Variants in HHLA2 observed in about 807,000 individuals in gnomAD.
HHLA2 encodes HHLA2 member of B7 family, also known as HERV-H LTR-associating protein 2.
In HHLA2, 48 loss-of-function variants were observed where a neutral mutation model predicts 45.9. The ratio of observed to expected loss-of-function variants is 1.05; its 90% CI spans 0.83 to 1.33. The LOEUF is 1.33. Ranked by LOEUF, HHLA2 falls within the 40% of genes most tolerant of loss-of-function variation. The probability of loss-of-function intolerance (pLI) is 0.00; values close to 1 mark genes in which losing one functional copy is unlikely to be tolerated. For missense variants in HHLA2, 462 were observed against 494.3 expected, an observed-to-expected ratio of 0.93 and a Z score of 0.62; for synonymous variants, 161 against 173.9, an observed-to-expected ratio of 0.93 and a Z score of 0.59.
In HHLA2 at chr3:108,328,339, C is replaced by A. The variant is rs1472489607; in HGVS notation, c.-35C>A. The A allele has an allele frequency of 5.2e-6, 8 of 1,530,318 alleles. No homozygotes were observed. In the East Asian group the frequency reaches 7.4e-5, roughly 14 times the overall value. The allele number at this position is 1,530,318 out of a possible 1,614,324, so 94.8% of individuals were successfully genotyped here. ...GGAATATACTAAAGCCTAGAACGCA[C>A]CTCCTCTGGTAAGTAGGGAGATATA... On this transcript the variant is annotated 5_prime_UTR_variant, in exon 3 of 11. Coordinates refer to ENST00000619531, the Ensembl canonical transcript of HHLA2.
At chr3:108,341,424 A>T (rs2081569654) in intron 3 of HHLA2, among the ~76,000 whole-genome samples, 1 of 152,230 alleles carries the variant, frequency 6.6e-6, no homozygotes, top group Non-Finnish European at 1.5e-5. Flanking sequence ...AACTTACTAC[A>T]AACTTCTAAT....
chr3:108,365,489 G>A (rs984741498), intron 8 of HHLA2, among the ~76,000 whole-genome samples: 4 of 152,196 alleles, frequency 2.6e-5, no homozygotes, highest in African/African-American at 9.6e-5. Flanking sequence ...GCTGTTTTTT[G>A]GTTCCATATG....
chr3:108,306,807 T>C (rs1241699275), intron 1 of HHLA2, among the ~76,000 whole-genome samples: 1 of 152,042 alleles, frequency 6.6e-6, no homozygotes. Context: ...ATTGTATATA[T>C]ATATATTTTT....
chr3:108,325,913 A>G, intron 2 of HHLA2: 1 of 396,912 alleles, frequency 2.5e-6, no homozygotes, highest in South Asian at 2.2e-5. Context: ...TTGCTTCAAT[A>G]AGGCTTTCCT....
At chr3:108,308,118 C>T (rs73204140) in intron 1 of HHLA2, among the ~76,000 whole-genome samples, 10,279 of 152,242 alleles carry the variant, frequency 0.068, 483 homozygotes, top group Non-Finnish European at 0.092. Context: ...TTCTTTCTAA[C>T]TATTTTTTGT....
chr3:108,298,230 A>G (rs1257532287), intron 1 of HHLA2, among the ~76,000 whole-genome samples: 1 of 152,166 alleles, frequency 6.6e-6, no homozygotes, highest in East Asian at 1.9e-4. Context: ...GAGACTAGCT[A>G]TTAGGTATTC....
chr3:108,344,277 A>G (rs756442630), intron 3 of HHLA2, among the ~76,000 whole-genome samples: 3 of 152,116 alleles, frequency 2.0e-5, no homozygotes, highest in Non-Finnish European at 4.4e-5. Context: ...AAAAATGGCC[A>G]GAGACCTTTG....
At chr3:108,297,218 A>G (rs1302355191) in intron 1 of HHLA2, among the ~76,000 whole-genome samples, 3 of 152,162 alleles carry the variant, frequency 2.0e-5, no homozygotes, top group African/African-American at 7.2e-5. Flanking sequence ...ATTGTTTGGG[A>G]CTTTGGATAA....
At position 108,367,161 on chromosome 3, in the gene HHLA2, C is replaced by T. The variant is rs1002818746; in HGVS notation, c.1108+4715C>T. ...AACAAACAGAAAGCAGTAACATCAA[C>T]ATCAACACAAAGGACCCCCATACAA... On this transcript the variant is annotated intron_variant, in intron 8 of 10. Transcript: ENST00000619531. Among the ~76,000 whole-genome samples the T allele has an allele frequency of 2.4e-4, 36 of 152,188 alleles. 1 individual carries two copies. The highest frequency in any genetic ancestry group is 2.9e-4 in the Non-Finnish European group (20 of 68,030).
At chr3:108,333,519 A>G (rs2107388400) in intron 3 of HHLA2, among the ~76,000 whole-genome samples, 1 of 151,574 alleles carries the variant, frequency 6.6e-6, no homozygotes, top group African/African-American at 2.4e-5. Context: ...TTCAAATTCA[A>G]CTGGACATCC....
At chr3:108,372,401 A>G (rs1467326015) in intron 8 of HHLA2, among the ~76,000 whole-genome samples, 4 of 151,858 alleles carry the variant, frequency 2.6e-5, no homozygotes, top group East Asian at 1.9e-4. Flanking sequence ...ACACCCTAAC[A>G]TCACAATTAA....
rs2081672049 is a variant in HHLA2, at chr3:108,346,960, C to T, written c.-26-4828C>T. Among the ~76,000 whole-genome samples the T allele has an allele frequency of 3.3e-5, 5 of 151,972 alleles. No homozygotes were observed. The South Asian group carries it at 1.0e-3, about 32-fold the overall frequency. On this transcript the variant is annotated intron_variant, in intron 3 of 10. Coordinates refer to ENST00000619531, the Ensembl canonical transcript of HHLA2. ...CTTAGCATATGGATTTCTTTTTTGC[C>T]ATATTCTATTGCAGAGGCTGCCTCT...
At position 108,300,230 on chromosome 3, in the gene HHLA2, C is replaced by T. The variant is rs757261931; in HGVS notation, c.-192+3631C>T. Among the ~76,000 whole-genome samples the T allele has an allele frequency of 9.7e-4, 148 of 152,188 alleles. 1 individual carries two copies. The highest frequency in any genetic ancestry group is 3.4e-3 in the Middle Eastern group (1 of 294). ...GTGTGTGAGAAGATGAGTAAGCAAG[C>T]GTCCTGTTCACAGCATGAAGTACCA... On this transcript the variant is annotated intron_variant, in intron 1 of 10. Coordinates refer to ENST00000619531, the Ensembl canonical transcript of HHLA2.
intron 2 of HHLA2, among the ~76,000 whole-genome samples, chr3:108,327,287 C>T (rs1457654760): frequency 6.6e-6 from 1 of 152,102 alleles, no homozygotes; most frequent in Non-Finnish European, 1.5e-5. Context: ...TGGTTTTTAA[C>T]ATTTTTGGTG....
At chr3:108,340,920 C>T (rs1302828920) in intron 3 of HHLA2, among the ~76,000 whole-genome samples, 2 of 26,040 alleles carry the variant, frequency 7.7e-5, no homozygotes, top group African/African-American at 1.3e-4. Context: ...TCCTTCCTTC[C>T]TTCCTTCCTT....
chr3:108,357,960 T>C, exon 7 of HHLA2: 1 of 1,613,804 alleles, frequency 6.2e-7, no homozygotes, highest in Non-Finnish European at 8.5e-7. Flanking sequence ...AAGTGGGACT[T>C]TCTCTGTCCT....
At chr3:108,333,525 C>T (rs1210093759) in intron 3 of HHLA2, among the ~76,000 whole-genome samples, 4 of 147,144 alleles carry the variant, frequency 2.7e-5, no homozygotes, top group Admixed American at 7.0e-5. Context: ...TTCAACTGGA[C>T]ATCCTGGATT....
intron 8 of HHLA2, among the ~76,000 whole-genome samples, chr3:108,372,033 GCACCA>G (rs2082185382): frequency 6.6e-6 from 1 of 152,168 alleles, no homozygotes; most frequent in Non-Finnish European, 1.5e-5. Context: ...ATTCTTTTCA[GCACCA>G]CACCACACCT....
intron 3 of HHLA2, among the ~76,000 whole-genome samples, chr3:108,328,505 C>T (rs903307394): frequency 6.6e-6 from 1 of 152,072 alleles, no homozygotes; most frequent in East Asian, 1.9e-4. Flanking sequence ...ATCCCTGTTA[C>T]TAGATGTGAA....
Sources: gnomAD v4.1 joint callset for allele counts (sites outside exome capture counted in the v4.1 genomes callset) on GRCh38, gnomAD v4.1.1 for gene constraint, MANE v1.5 for transcripts, NCBI Gene and HGNC (gene_info 2026-07-23, HGNC 2026-07-21) for gene names.